NDC80: variants seen among roughly 807,000 people sequenced by gnomAD.
The protein encoded by NDC80 is kinetochore protein NDC80 homolog.
Under a neutral mutation model 89.3 loss-of-function variants are expected in NDC80, and 69 were observed. The observed-to-expected ratio is 0.77, with a 90% CI of 0.64 to 0.94. The LOEUF (loss-of-function observed/expected upper bound fraction) is 0.94. Ranked by LOEUF, NDC80 falls within the 40% of genes least tolerant of loss-of-function variation. NDC80 has a pLI of 0.00. For synonymous variants in NDC80, 243 were observed against 255.6 expected, an observed-to-expected ratio of 0.95 and a Z score of 0.47; for missense variants, 593 against 739.6, an observed-to-expected ratio of 0.80 and a Z score of 2.30.
intron 14 of NDC80, among the ~76,000 whole-genome samples, chr18:2,607,792 A>G (rs1473648921): frequency 3.3e-5 from 5 of 150,638 alleles, no homozygotes; most frequent in African/African-American, 1.2e-4. Context: ...AACAATGGTT[A>G]AAGTTTAGGG....
At chr18:2,577,228 T>C (rs889005481) in intron 3 of NDC80, 8 of 153,530 alleles carry the variant, frequency 5.2e-5, no homozygotes, top group Admixed American at 5.2e-4. Context: ...TTTTTTTTTT[T>C]TTTTGAGATG....
At position 2,616,534 on chromosome 18, in the gene NDC80, A is replaced by G. The variant is rs1268736007; in HGVS notation, c.1889A>G (p.Tyr630Cys). The G allele has an allele frequency of 6.8e-7, 1 of 1,479,608 alleles. No individual in the cohort carries two copies. The highest frequency in any genetic ancestry group is 9.2e-7 in the Non-Finnish European group (1 of 1,090,638). The allele number at this position is 1,479,608 out of a possible 1,614,324, so 91.7% of individuals were successfully genotyped here. A position where few individuals can be genotyped will look rare whatever the true frequency, so the allele number is the denominator to read the frequency against. Residue 630 changes from tyrosine to cysteine, a missense_variant, in exon 17 of 17, where the codon TAT becomes TGT. Transcript: ENST00000261597. ...AATATTAAAGAGATTAGAGATAAGT[A>G]TGAGAAGAAAGCTACTCTAATTAAG... ...SENIKEIRDK[Y>C]EKKATLIKSS...
At chr18:2,573,941 T>TA (rs11382759) in intron 2 of NDC80, among the ~76,000 whole-genome samples, 26,862 of 147,146 alleles carry the variant, frequency 0.18, 2,825 homozygotes, top group South Asian at 0.3. Context: ...GAGCAGGCTC[T>TA]AAAAAAAAAA....
intron 14 of NDC80, 143 bp downstream of exon 14, chr18:2,606,650 A>G (rs1598245512): frequency 2.2e-6 from 1 of 452,816 alleles, no homozygotes; most frequent in Non-Finnish European, 3.9e-6. Flanking sequence ...TTCTCTGCCA[A>G]AGTTTATCGT....
chr18:2,585,957 T>C (rs768208972), intron 7 of NDC80, among the ~76,000 whole-genome samples: 14 of 152,190 alleles, frequency 9.2e-5, no homozygotes, highest in South Asian at 2.1e-4. Flanking sequence ...TTTATTTTGT[T>C]TTGACCTTTT....
At position 2,573,104 on chromosome 18, in the gene NDC80, G is replaced by C; in HGVS notation, c.101+18G>C. On this transcript the variant is annotated intron_variant, in intron 2 of 16. Transcript: ENST00000261597. ...CCTCAAACGTGAGTATTTCCCTTGT[G>C]GTTCTAATTTGCATGCTTTATCATC... 1 of 1,582,534 alleles carries C rather than the reference G, an allele frequency of 6.3e-7. No individual in the cohort carries two copies. Among genetic ancestry groups the C allele is most frequent in the East Asian group, 2.2e-5 (1 of 44,646 alleles).
Position 2,573,009 on chromosome 18 carries a change from C to T in NDC80, c.24C>T (p.Ser8=), listed in dbSNP as rs374603804. MKRSSVS[S]GGAGRLSMQE... ...GCATGAAGCGCAGTTCAGTTTCCAGCGGTGGTGCTGGCCGCCTCTCCATGC... is the reference window on the plus strand; with the variant it reads ...GCATGAAGCGCAGTTCAGTTTCCAGTGGTGGTGCTGGCCGCCTCTCCATGC... Residue 8 remains serine (S), a synonymous_variant, in exon 2 of 17, where the codon AGC becomes AGT. Transcript: ENST00000261597. 39 of 1,613,782 alleles carry T rather than the reference C, an allele frequency of 2.4e-5. No homozygotes were observed. The highest frequency in any genetic ancestry group is 3.3e-5 in the Admixed American group (2 of 59,966).
intron 2 of NDC80, 93 bp from the exon 3 acceptor site, chr18:2,574,895 TG>T: frequency 1.3e-6 from 1 of 750,830 alleles, no homozygotes; most frequent in Non-Finnish European, 2.2e-6. Context: ...TTATAGCTAG[TG>T]GGGAAGAGTT....
At chr18:2,586,721 C>A (rs1328100457) in intron 7 of NDC80, among the ~76,000 whole-genome samples, 3 of 30,226 alleles carry the variant, frequency 9.9e-5, no homozygotes, top group Admixed American at 5.3e-4. Context: ...CAAAGTGAGA[C>A]CCTGTCTCAA....
chr18:2,574,755 C>T (rs1203754901), intron 2 of NDC80, among the ~76,000 whole-genome samples: 1 of 152,164 alleles, frequency 6.6e-6, no homozygotes, highest in African/African-American at 2.4e-5. Flanking sequence ...CCAAAGGGTA[C>T]ATACACCAGA....
rs375058812 is a variant in NDC80 at position 2,580,901 on chromosome 18, C to T, written c.579+1872C>T. On this transcript the variant is annotated intron_variant, in intron 6 of 16. Transcript: ENST00000261597. ...GATTATAGGCACCCGCCATCACATCCGGCTAATTTTTTGTATTTTTAGTAG... is the reference window on the plus strand; with the variant it reads ...GATTATAGGCACCCGCCATCACATCTGGCTAATTTTTTGTATTTTTAGTAG... Among the ~76,000 whole-genome samples, 8 of 151,752 alleles carry T rather than the reference C, an allele frequency of 5.3e-5. No homozygotes were observed. The East Asian group carries it at 7.8e-4, about 15-fold the overall frequency.
chr18:2,604,405 G>A (rs767741410), intron 13 of NDC80, among the ~76,000 whole-genome samples: 2 of 152,180 alleles, frequency 1.3e-5, no homozygotes, highest in Admixed American at 6.5e-5. Context: ...AGCATGGACC[G>A]GGCATAGTGG....
At chr18:2,598,372 C>T (rs1222449806) in intron 11 of NDC80, among the ~76,000 whole-genome samples, 3 of 152,118 alleles carry the variant, frequency 2.0e-5, no homozygotes, top group Non-Finnish European at 4.4e-5. Context: ...TTTCATGGAA[C>T]TTATATTCAG....
intron 10 of NDC80, 26 bp downstream of exon 10, chr18:2,590,188 T>C: frequency 4.5e-6 from 7 of 1,545,096 alleles, no homozygotes; most frequent in Non-Finnish European, 6.1e-6. Flanking sequence ...GCTAAAAGAC[T>C]GGGATGCGAA....
At chr18:2,572,503 A>T (rs2072521439) in intron 1 of NDC80, among the ~76,000 whole-genome samples, 1 of 152,248 alleles carries the variant, frequency 6.6e-6, no homozygotes, top group African/African-American at 2.4e-5. Flanking sequence ...AGAGATTGAC[A>T]TTAGGAAAAC....
intron 14 of NDC80, among the ~76,000 whole-genome samples, chr18:2,608,496 A>G (rs996917620): frequency 7.9e-5 from 12 of 152,184 alleles, no homozygotes; most frequent in African/African-American, 2.7e-4. Context: ...ATGAGCCACC[A>G]TGCCCAGCCG....
At chr18:2,609,516 C>A (rs1598246658) in intron 15 of NDC80, among the ~76,000 whole-genome samples, 2 of 152,244 alleles carry the variant, frequency 1.3e-5, no homozygotes, top group African/African-American at 4.8e-5. Context: ...AAATTAAAAA[C>A]TCCATCAGTA....
chr18:2,611,466 A>G (rs925875192), intron 16 of NDC80, among the ~76,000 whole-genome samples: 1 of 152,246 alleles, frequency 6.6e-6, no homozygotes, highest in Non-Finnish European at 1.5e-5. Context: ...TACTGAAAAC[A>G]TATTAGTACA....
intron 14 of NDC80, among the ~76,000 whole-genome samples, chr18:2,606,809 T>C (rs746590567): frequency 1.3e-5 from 2 of 152,110 alleles, no homozygotes; most frequent in Non-Finnish European, 2.9e-5. Flanking sequence ...GAATCTCTCC[T>C]ACCTTTTTGT....
Sources: gnomAD v4.1 joint callset for allele counts (sites outside exome capture counted in the v4.1 genomes callset) on GRCh38, gnomAD v4.1.1 for gene constraint, MANE v1.5 for transcripts, NCBI Gene and HGNC (gene_info 2026-07-23, HGNC 2026-07-21) for gene names.